The following SLC44A1 variants were observed in gnomAD, a reference collection of about 807,000 sequenced individuals.
SLC44A1 encodes the protein choline transporter-like protein 1.
SLC44A1 carries 26 observed loss-of-function variants against 79.3 expected under a neutral mutation model. That is an observed-to-expected ratio of 0.33 (90% CI 0.24 to 0.46). SLC44A1 has a LOEUF of 0.46. Among genes scored for constraint, SLC44A1 ranks in the 20% least tolerant of loss-of-function variants. The pLI, the probability that SLC44A1 is intolerant of heterozygous loss-of-function variation, is 1.00. For synonymous variants in SLC44A1, 263 were observed against 286.2 expected (o/e 0.92, Z 0.82); for missense variants, 688 against 798.1 (o/e 0.86, Z 1.66).
chr9:105,372,937 G>A (rs1455757297), intron 12 of SLC44A1, among the ~76,000 whole-genome samples: 11 of 145,478 alleles, frequency 7.6e-5, no homozygotes, highest in Non-Finnish European at 3.0e-5. Flanking sequence ...GCGACAGAGC[G>A]AGACTCCGTC....
intron 1 of SLC44A1, among the ~76,000 whole-genome samples, chr9:105,294,381 C>G (rs146904857): frequency 6.6e-6 from 1 of 151,914 alleles, no homozygotes; most frequent in African/African-American, 2.4e-5. Flanking sequence ...AATTCTGTCA[C>G]GTGTTTTGGT....
chr9:105,377,476 C>T (rs1828325659), intron 13 of SLC44A1, among the ~76,000 whole-genome samples: 2 of 151,748 alleles, frequency 1.3e-5, no homozygotes, highest in South Asian at 2.1e-4. Context: ...ATGAGTTGGG[C>T]GCGGTGGCTC....
chr9:105,384,876 T>C (rs1428827877), intron 14 of SLC44A1, among the ~76,000 whole-genome samples: 1 of 152,240 alleles, frequency 6.6e-6, no homozygotes, highest in Non-Finnish European at 1.5e-5. Context: ...TGATACACCC[T>C]GTCTTCCTGC....
chr9:105,357,577 CG>C (rs1303844839), intron 6 of SLC44A1, among the ~76,000 whole-genome samples: 3 of 152,080 alleles, frequency 2.0e-5, no homozygotes, highest in African/African-American at 7.2e-5. Context: ...ATTTCAGAAA[CG>C]TATTTCCCAT....
At chr9:105,298,394 C>A (rs971215043) in intron 1 of SLC44A1, among the ~76,000 whole-genome samples, 30 of 152,032 alleles carry the variant, frequency 2.0e-4, no homozygotes, top group African/African-American at 6.8e-4. Context: ...CTCTTGTTGC[C>A]CAGGCTGGAG....
At position 105,390,087 on chromosome 9, in the gene SLC44A1, T is replaced by C. The variant is rs559546366; in HGVS notation, c.*1031T>C. The C allele has an allele frequency of 7.9e-7, 1 of 1,272,744 alleles. No individual in the cohort carries two copies. The highest frequency in any genetic ancestry group is 4.0e-5 in the Admixed American group (1 of 24,934). The allele number at this position is 1,272,744 out of a possible 1,614,324, so 78.8% of individuals were successfully genotyped here. On this transcript the variant is annotated 3_prime_UTR_variant, in exon 16 of 16. Transcript: ENST00000374720. ...GGCAGGTGCTCCTCTCCTTGGCAAT[T>C]CATTGAGTATCCAGAGTTCTACGAT... is the stretch of plus-strand genomic sequence containing the variant.
Position 105,273,583 on chromosome 9 carries a change from G to A in SLC44A1, c.37-25637G>A, listed in dbSNP as rs117104837. 4.3e-3 allele frequency among the ~76,000 whole-genome samples: 659 copies of A among 152,244 alleles called. 2 individuals carry two copies. The highest frequency in any genetic ancestry group is 0.017 in the Middle Eastern group (5 of 294). ...TATCATTTCATGGTGGATGATTTGT[G>A]TAAAATTGCAACTGAGTGAATTTCA... On this transcript the variant is annotated intron_variant, in intron 1 of 15. Coordinates refer to ENST00000374720, the MANE Select transcript of SLC44A1 (RefSeq NM_080546.5).
intron 3 of SLC44A1, among the ~76,000 whole-genome samples, chr9:105,323,552 G>A (rs1826468010): frequency 6.6e-6 from 1 of 152,148 alleles, no homozygotes; most frequent in African/African-American, 2.4e-5. Flanking sequence ...CACAGTGCCT[G>A]GTATCGTGAA....
At position 105,392,553 on chromosome 9, in the gene SLC44A1, G is replaced by C. The variant is rs74331680; in HGVS notation, c.*3497G>C. 5,180 of 985,036 alleles carry C rather than the reference G, an allele frequency of 5.3e-3. 217 individuals carry two copies. In the African/African-American group the frequency reaches 0.082, roughly 16 times the overall value. The allele number at this position is 985,036 out of a possible 1,614,324, so 61.0% of individuals were successfully genotyped here. ...ATTTCACCCTAGTAGGGGGTATGAG[G>C]CACTGACCCCTTTATTCTGGACCCA... On this transcript the variant is annotated 3_prime_UTR_variant, in exon 16 of 16. Transcript: ENST00000374720.
chr9:105,353,084 C>T (rs1160002602), intron 5 of SLC44A1, among the ~76,000 whole-genome samples: 1 of 151,940 alleles, frequency 6.6e-6, no homozygotes, highest in Non-Finnish European at 1.5e-5. Flanking sequence ...TATTCATTAC[C>T]ACTAGGAACA....
At chr9:105,361,559 G>T (rs1398318303) in intron 8 of SLC44A1, among the ~76,000 whole-genome samples, 1 of 152,026 alleles carries the variant, frequency 6.6e-6, no homozygotes, top group Non-Finnish European at 1.5e-5. Flanking sequence ...TTTGAGAGAG[G>T]ATTTTCACCT....
At chr9:105,415,102 A>T (rs1163540041) in intron 15 of SLC44A1, among the ~76,000 whole-genome samples, 1 of 152,202 alleles carries the variant, frequency 6.6e-6, no homozygotes, top group African/African-American at 2.4e-5. Context: ...GAAGGTAGCC[A>T]AGGGTAACTG....
intron 3 of SLC44A1, among the ~76,000 whole-genome samples, chr9:105,335,323 G>A (rs143440740): frequency 4.6e-5 from 7 of 152,204 alleles, no homozygotes; most frequent in Non-Finnish European, 8.8e-5. Flanking sequence ...AAATATGCAT[G>A]TGCACAATAC....
chr9:105,423,438 C>T (rs1829281122), intron 15 of SLC44A1, among the ~76,000 whole-genome samples: 1 of 152,104 alleles, frequency 6.6e-6, no homozygotes, highest in Non-Finnish European at 1.5e-5. Flanking sequence ...TGCACTCCAG[C>T]CTGGGCAACA....
At position 105,396,390 on chromosome 9, in the gene SLC44A1, A is replaced by G. The variant is rs1361284564; in HGVS notation, c.*7334A>G. 1 of 985,342 alleles carries G rather than the reference A, an allele frequency of 1.0e-6. No individual in the cohort carries two copies. The highest frequency in any genetic ancestry group is 1.7e-5 in the African/African-American group (1 of 57,244). The allele number at this position is 985,342 out of a possible 1,614,324, so 61.0% of individuals were successfully genotyped here. A position where few individuals can be genotyped will look rare whatever the true frequency, so the allele number is the denominator to read the frequency against. On this transcript the variant is annotated 3_prime_UTR_variant, in exon 16 of 16. Coordinates refer to ENST00000374720, the MANE Select transcript of SLC44A1 (RefSeq NM_080546.5). The stretch of plus-strand genomic sequence containing the variant: ...CATCAAGCAAAATGACAGGGGCTTC[A>G]AAAAACAACCAAAGACAAAACCCTA...
intron 2 of SLC44A1, among the ~76,000 whole-genome samples, chr9:105,306,414 G>T (rs183940906): frequency 1.3e-5 from 2 of 152,056 alleles, no homozygotes; most frequent in African/African-American, 4.8e-5. Flanking sequence ...TCGGATTTTA[G>T]AATTTTTCTT....
At chr9:105,251,321 T>G (rs1370885909) in intron 1 of SLC44A1, among the ~76,000 whole-genome samples, 1 of 152,118 alleles carries the variant, frequency 6.6e-6, no homozygotes, top group Non-Finnish European at 1.5e-5. Context: ...CTATATCTAG[T>G]CACCACATCT....
At chr9:105,246,373 C>CTT (rs11284181) in intron 1 of SLC44A1, among the ~76,000 whole-genome samples, 31 of 119,064 alleles carry the variant, frequency 2.6e-4, no homozygotes, top group African/African-American at 4.1e-4. Flanking sequence ...TTCCTCCAGT[C>CTT]TTTTTTTTTT....
intron 12 of SLC44A1, among the ~76,000 whole-genome samples, chr9:105,371,728 A>G (rs944116464): frequency 1.3e-5 from 2 of 150,386 alleles, no homozygotes; most frequent in African/African-American, 2.4e-5. Context: ...CACAAAAAAA[A>G]AAAAAAAAAA....
Sources: allele counts gnomAD v4.1 joint callset (sites outside exome capture counted in the v4.1 genomes callset), GRCh38; gene constraint gnomAD v4.1.1; transcripts MANE v1.5; gene names NCBI Gene and HGNC (gene_info 2026-07-23, HGNC 2026-07-21).